NET1: variants seen among roughly 807,000 people sequenced by gnomAD.
The protein encoded by NET1 is neuroepithelial cell transforming 1.
A neutral mutation model predicts 61.1 loss-of-function variants in NET1; 42 were observed. The observed-to-expected ratio is 0.69, with a 90% confidence interval of 0.54 to 0.89. The LOEUF is 0.89. Ranked by LOEUF, NET1 falls within the 40% of genes least tolerant of loss-of-function variation. NET1 has a pLI of 0.00. For synonymous variants in NET1, 254 were observed against 281.8 expected, an observed-to-expected ratio of 0.90 and a Z score of 0.99; for missense variants, 654 against 747.3, an observed-to-expected ratio of 0.88 and a Z score of 1.46.
In NET1 at chr10:5,449,575, G is replaced by A. The variant is rs576130923; in HGVS notation, c.256-2255G>A. On this transcript the variant is annotated intron_variant, in intron 3 of 11. Transcript: ENST00000355029. This position sits in a 1 kb window ranked among gnomAD's most constrained non-coding sequence, Gnocchi z 4.4. ...GACCACATCAACAAAACCCGTGTTC[G>A]TTTCAGAAGTATGCTTTAGATATAT... is the stretch of plus-strand genomic sequence containing the variant. 1.3e-4 allele frequency among the ~76,000 whole-genome samples: 20 copies of A among 152,266 alleles called. No individual in the cohort carries two copies. In the East Asian group the frequency reaches 2.3e-3, roughly 18 times the overall value.
In NET1 at chr10:5,440,334, G is replaced by T. The variant is rs1832505880; in HGVS notation, c.255+11105G>T. Among the ~76,000 whole-genome samples the T allele has an allele frequency of 6.6e-6, 1 of 152,204 alleles. No homozygotes were observed. The highest frequency in any genetic ancestry group is 1.5e-5 in the Non-Finnish European group (1 of 68,036). ...AGGATTGAAAAGAACACATAGGCCA[G>T]ATCAGTAACCACAACCATAACCATG... On this transcript the variant is annotated intron_variant, in intron 3 of 11. Coordinates refer to ENST00000355029, the MANE Select transcript of NET1 (RefSeq NM_001047160.3). The surrounding 1 kb of genome is among the most constrained non-coding windows in gnomAD (Gnocchi z 4.1).
rs1413435009 is a variant in NET1 at position 5,412,833 on chromosome 10, GAGGGGAGGGCCGAACGGGAGGTGAGTGT to G, written c.128+21_128+48del. The G allele has an allele frequency of 1.4e-6, 2 of 1,396,928 alleles. No homozygotes were observed. The highest frequency in any genetic ancestry group is 7.2e-5 in the Admixed American group (2 of 27,920). 86.5% of individuals were successfully genotyped at this position (1,396,928 alleles called of 1,614,324 possible). The stretch of plus-strand genomic sequence containing the variant: ...AGCTGGACGGGAGGTGAGTGTGGGG[GAGGGGAGGGCCGAACGGGAGGTGAGTGT>G]AGGGGAGCGGAGGGCCGAACGGGAG... On this transcript the variant is annotated intron_variant, in intron 1 of 11. Transcript: ENST00000355029. This position sits in a 1 kb window ranked among gnomAD's most constrained non-coding sequence, Gnocchi z 6.5.
rs1588426767 is a variant in NET1, at chr10:5,427,726, T to C, written c.195+1005T>C. 6.6e-6 allele frequency among the ~76,000 whole-genome samples: 1 copy of C among 152,356 alleles called. No individual in the cohort carries two copies. Among genetic ancestry groups the C allele is most frequent in the Non-Finnish European group, 1.5e-5 (1 of 68,028 alleles). ...GATCATTTTCCTAATGTCTTTTAGC[T>C]CAATTCAAAACAGTGTGTTATAATT... is the stretch of plus-strand genomic sequence containing the variant. On this transcript the variant is annotated intron_variant, in intron 2 of 11. Coordinates refer to ENST00000355029, the MANE Select transcript of NET1 (RefSeq NM_001047160.3). This position sits in a 1 kb window ranked among gnomAD's most constrained non-coding sequence, Gnocchi z 4.1.
At chr10:5,434,952 CAG>C (rs776516559) in intron 3 of NET1, among the ~76,000 whole-genome samples, 2 of 152,128 alleles carry the variant, frequency 1.3e-5, no homozygotes, top group Admixed American at 6.5e-5. Context: ...GAGTTTTCTA[CAG>C]AGTTAACTTT....
At position 5,455,265 on chromosome 10, in the gene NET1, T is replaced by A; in HGVS notation, c.1197+147T>A. 4 of 654,748 alleles carry A rather than the reference T, an allele frequency of 6.1e-6. No individual in the cohort carries two copies. The highest frequency in any genetic ancestry group is 1.0e-5 in the Non-Finnish European group (4 of 384,008). The allele number at this position is 654,748 out of a possible 1,614,324, so 40.6% of individuals were successfully genotyped here. A position where few individuals can be genotyped will look rare whatever the true frequency, so the allele number is the denominator to read the frequency against. ...TTTTAATTTTATATTACCAGCTTGA[T>A]AAAGCCAACAAAGAAGATACCTTAA... is the stretch of plus-strand genomic sequence containing the variant. On this transcript the variant is annotated intron_variant, in intron 10 of 11. Coordinates refer to ENST00000355029, the MANE Select transcript of NET1 (RefSeq NM_001047160.3). This position sits in a 1 kb window ranked among gnomAD's most constrained non-coding sequence, Gnocchi z 6.5.
At chr10:5,448,846 C>T (rs759760867) in intron 3 of NET1, among the ~76,000 whole-genome samples, 2 of 151,976 alleles carry the variant, frequency 1.3e-5, no homozygotes, top group African/African-American at 4.8e-5. Context: ...GCGCCTGTTC[C>T]ACTCCCCCTT....
Position 5,451,852 on chromosome 10 carries a change from G to A in NET1, c.278G>A (p.Arg93Gln). Residue 93 changes from arginine (R) to glutamine (Q), a missense_variant, in exon 4 of 12, where the codon CGA (arginine) becomes CAA (glutamine). Coordinates refer to ENST00000355029, the MANE Select transcript of NET1 (RefSeq NM_001047160.3). This position sits in a 1 kb window ranked among gnomAD's most constrained non-coding sequence, Gnocchi z 6.1. The part of the protein sequence containing the change: ...DLKEPSNKRV[R>Q]PLARVTSLAN... ...TAGGAGCCAAGCAATAAAAGAGTTC[G>A]ACCTCTGGCTCGTGTCACGTCCTTG... 1.9e-6 allele frequency: 3 copies of A among 1,613,530 alleles called. No individual in the cohort carries two copies. The highest frequency in any genetic ancestry group is 2.5e-6 in the Non-Finnish European group (3 of 1,179,672).
At position 5,437,154 on chromosome 10, in the gene NET1, T is replaced by A. The variant is rs984352325; in HGVS notation, c.255+7925T>A. Among the ~76,000 whole-genome samples, 1 of 152,250 alleles carries A rather than the reference T, an allele frequency of 6.6e-6. No individual in the cohort carries two copies. The highest frequency in any genetic ancestry group is 2.4e-5 in the African/African-American group (1 of 41,474). ...TGGCAAAAAATTGAAACCGTTTTTT[T>A]AAAGACCTCTTTTACTGCCTTCAGC... On this transcript the variant is annotated intron_variant, in intron 3 of 11. Coordinates refer to ENST00000355029, the MANE Select transcript of NET1 (RefSeq NM_001047160.3). This position sits in a 1 kb window ranked among gnomAD's most constrained non-coding sequence, Gnocchi z 4.3.
chr10:5,454,872 G>A lies in NET1; in HGVS notation c.1027-76G>A. On this transcript the variant is annotated intron_variant, in intron 9 of 11. Transcript: ENST00000355029. This position sits in a 1 kb window ranked among gnomAD's most constrained non-coding sequence, Gnocchi z 8.1. Reference sequence around the variant, plus strand: ...GCTTTAAAGTTCTTCCATTCCATATGACATTTTTGCTCTGCAGGAAGCAGA... The same window carrying A: ...GCTTTAAAGTTCTTCCATTCCATATAACATTTTTGCTCTGCAGGAAGCAGA... 7.3e-7 allele frequency: 1 copy of A among 1,375,910 alleles called. No homozygotes were observed. The highest frequency in any genetic ancestry group is 1.0e-6 in the Non-Finnish European group (1 of 979,820). 85.2% of individuals were successfully genotyped at this position (1,375,910 alleles called of 1,614,324 possible). A position where few individuals can be genotyped will look rare whatever the true frequency, so the allele number is the denominator to read the frequency against.
chr10:5,454,487 A>G lies in NET1; in HGVS notation c.991A>G (p.Lys331Glu), dbSNP rs377523635. 8.1e-6 allele frequency: 13 copies of G among 1,614,112 alleles called. No homozygotes were observed. The highest frequency in any genetic ancestry group is 7.7e-5 in the South Asian group (7 of 91,084). Reference protein sequence around the residue: ...LLKEILKHTPKEHPDVQLLED... With the variant: ...LLKEILKHTPEEHPDVQLLED... ...AAAAGAAATTCTTAAACACACTCCA[A>G]AAGAGCACCCTGATGTTCAGCTTCT... is the stretch of plus-strand genomic sequence containing the variant. Residue 331 changes from lysine to glutamate, a missense_variant, in exon 9 of 12, where the codon AAA (lysine) becomes GAA (glutamate). Transcript: ENST00000355029. This position sits in a 1 kb window ranked among gnomAD's most constrained non-coding sequence, Gnocchi z 8.1.
chr10:5,434,243 A>G (rs912197394), intron 3 of NET1, among the ~76,000 whole-genome samples: 2 of 152,122 alleles, frequency 1.3e-5, no homozygotes, highest in Non-Finnish European at 2.9e-5. Context: ...GTATGGTTTC[A>G]TCCTTTCTGA....
At chr10:5,432,933 T>C (rs1402767055) in intron 3 of NET1, among the ~76,000 whole-genome samples, 1 of 152,176 alleles carries the variant, frequency 6.6e-6, no homozygotes, top group Non-Finnish European at 1.5e-5. Flanking sequence ...CCTTATGTAA[T>C]ACCTTTTGGG....
intron 3 of NET1, among the ~76,000 whole-genome samples, chr10:5,432,222 A>G (rs1832360128): frequency 6.6e-6 from 1 of 152,336 alleles, no homozygotes. Context: ...GATAAATATA[A>G]TTTTAGAAAA....
Position 5,427,158 on chromosome 10 carries a change from C to A in NET1, c.195+437C>A, listed in dbSNP as rs1347009445. Among the ~76,000 whole-genome samples, 2 of 151,770 alleles carry A rather than the reference C, an allele frequency of 1.3e-5. No individual in the cohort carries two copies. The highest frequency in any genetic ancestry group is 2.9e-5 in the Non-Finnish European group (2 of 67,956). ...TATTAATCATCTCAGCATAGAGGGACTCTATTATTTTTATAGCAGGACTTT... is the reference window on the plus strand; with the variant it reads ...TATTAATCATCTCAGCATAGAGGGAATCTATTATTTTTATAGCAGGACTTT... On this transcript the variant is annotated intron_variant, in intron 2 of 11. Coordinates refer to ENST00000355029, the MANE Select transcript of NET1 (RefSeq NM_001047160.3). The surrounding 1 kb of genome is among the most constrained non-coding windows in gnomAD (Gnocchi z 4.1).
In NET1 at chr10:5,435,676, C is replaced by T. The variant is rs541015928; in HGVS notation, c.255+6447C>T. ...AGCATATAACATGATCATTGTATTACGTATTTGGACTTTGGATATCTTATA... is the reference window on the plus strand; with the variant it reads ...AGCATATAACATGATCATTGTATTATGTATTTGGACTTTGGATATCTTATA... On this transcript the variant is annotated intron_variant, in intron 3 of 11. Coordinates refer to ENST00000355029, the MANE Select transcript of NET1 (RefSeq NM_001047160.3). The surrounding 1 kb of genome is among the most constrained non-coding windows in gnomAD (Gnocchi z 5.0). 7.2e-5 allele frequency among the ~76,000 whole-genome samples: 11 copies of T among 152,158 alleles called. No homozygotes were observed. The highest frequency in any genetic ancestry group is 2.2e-4 in the African/African-American group (9 of 41,514).
chr10:5,436,248 A>ATATATATT (rs1564462826), intron 3 of NET1, among the ~76,000 whole-genome samples: 18 of 18,416 alleles, frequency 9.8e-4, no homozygotes, highest in Non-Finnish European at 1.5e-3. Context: ...ATATATATAT[A>ATATATATT]TTTTTTTTTT....
intron 1 of NET1, among the ~76,000 whole-genome samples, chr10:5,414,423 CTA>C (rs1832047097): frequency 6.6e-6 from 1 of 152,190 alleles, no homozygotes; most frequent in East Asian, 1.9e-4. Flanking sequence ...TTTATGAAAA[CTA>C]TTCCCCAAAA....
At chr10:5,434,068 G>A (rs1832387847) in intron 3 of NET1, among the ~76,000 whole-genome samples, 1 of 152,078 alleles carries the variant, frequency 6.6e-6, no homozygotes, top group African/African-American at 2.4e-5. Flanking sequence ...ACTCCAGTCT[G>A]TGTTTCCTTA....
Position 5,431,445 on chromosome 10 carries a change from A to G in NET1, c.255+2216A>G, listed in dbSNP as rs1291049135. 6.6e-6 allele frequency among the ~76,000 whole-genome samples: 1 copy of G among 150,922 alleles called. No homozygotes were observed. The highest frequency in any genetic ancestry group is 2.4e-5 in the African/African-American group (1 of 40,996). On this transcript the variant is annotated intron_variant, in intron 3 of 11. Coordinates refer to ENST00000355029, the MANE Select transcript of NET1 (RefSeq NM_001047160.3). This position sits in a 1 kb window ranked among gnomAD's most constrained non-coding sequence, Gnocchi z 4.9. ...AAAAAGTATGTAATGCCTTTCTGTG[A>G]TGCTCTCAAAATGGATGCTCATTGC... is the stretch of plus-strand genomic sequence containing the variant.
Sources: allele counts gnomAD v4.1 joint callset (sites outside exome capture counted in the v4.1 genomes callset), GRCh38; gene constraint gnomAD v4.1.1; non-coding constraint Gnocchi (gnomAD v3.1); transcripts MANE v1.5; gene names NCBI Gene and HGNC (gene_info 2026-07-23, HGNC 2026-07-21).